Variants in FBXO34 observed in about 807,000 individuals in gnomAD.
FBXO34 encodes F-box protein 34.
In FBXO34, 12 loss-of-function variants were observed where a neutral mutation model predicts 24.5. That is an observed-to-expected ratio of 0.49 (90% CI 0.31 to 0.79). The LOEUF (loss-of-function observed/expected upper bound fraction) is 0.79, where lower values mean the gene tolerates loss of function less well. FBXO34 is among the 30% of genes least tolerant of loss of function. The probability of loss-of-function intolerance (pLI) is 0.04; values close to 1 mark genes in which losing one functional copy is unlikely to be tolerated. For missense variants in FBXO34, 823 were observed against 857.7 expected, an observed-to-expected ratio of 0.96 and a Z score of 0.51; for synonymous variants, 320 against 311.9, an observed-to-expected ratio of 1.03 and a Z score of -0.27.
At chr14:55,292,454 G>T (rs1881974352) in intron 1 of FBXO34, among the ~76,000 whole-genome samples, 1 of 151,938 alleles carries the variant, frequency 6.6e-6, no homozygotes, top group Admixed American at 6.6e-5. Flanking sequence ...CTACCTCCTA[G>T]GCTCAAGTGA....
At chr14:55,380,748 A>G in the FBXO34 span, 509,158 of 1,108,126 alleles carry the variant, frequency 0.46, 124,929 homozygotes, top group African/African-American at 0.87. Flanking sequence ...AACTACTAAT[A>G]ATCCACGAGT....
chr14:55,399,023 A>G, the FBXO34 span, among the ~76,000 whole-genome samples: 1 of 152,226 alleles, frequency 6.6e-6, no homozygotes. Flanking sequence ...ACAATTCAAC[A>G]GGCCATAACA....
chr14:55,403,547 T>C, the FBXO34 span, among the ~76,000 whole-genome samples: 1 of 152,220 alleles, frequency 6.6e-6, no homozygotes, highest in Non-Finnish European at 1.5e-5. Flanking sequence ...TATAATCTTT[T>C]TTTTTTCATG....
At position 55,352,179 on chromosome 14, in the gene FBXO34, G is replaced by A; in HGVS notation, c.1789G>A (p.Ala597Thr). The stretch of plus-strand genomic sequence containing the variant: ...GTTACTTCCCACCAAGAGTTTAGTG[G>A]CCCTTAAATGTACCTGCTGCTATTT... Reference protein sequence around the residue: ...FRLLPTKSLVALKCTCCYFKF... With the variant: ...FRLLPTKSLVTLKCTCCYFKF... Residue 597 changes from alanine (A) to threonine (T), a missense_variant, in exon 2 of 2, where the codon GCC (alanine) becomes ACC (threonine). Ala to Thr is a moderately conservative substitution (Grantham distance 58). This residue lies in a region of FBXO34 where 130 missense variants were observed against 198.6 expected (regional missense o/e 0.65). Transcript: ENST00000313833. 6.2e-7 allele frequency: 1 copy of A among 1,614,030 alleles called. No homozygotes were observed. Among genetic ancestry groups the A allele is most frequent in the Non-Finnish European group, 8.5e-7 (1 of 1,179,988 alleles).
intron 1 of FBXO34, among the ~76,000 whole-genome samples, chr14:55,326,613 C>T (rs1205949951): frequency 1.3e-5 from 2 of 152,240 alleles, no homozygotes; most frequent in African/African-American, 2.4e-5. Context: ...AAATAAATTT[C>T]CCAGTAGCTC....
At chr14:55,280,464 TTAAAG>T (rs1881495521) in intron 1 of FBXO34, among the ~76,000 whole-genome samples, 4 of 152,096 alleles carry the variant, frequency 2.6e-5, no homozygotes, top group Admixed American at 2.6e-4. Context: ...TAGAGTTTGT[TTAAAG>T]TATGCGGTAG....
the FBXO34 span, chr14:55,382,132 T>C: frequency 6.2e-7 from 1 of 1,614,086 alleles, no homozygotes; most frequent in Non-Finnish European, 8.5e-7. Context: ...TTCAGCAAGC[T>C]TGCTCACAGT....
the FBXO34 span, chr14:55,436,008 T>G: frequency 1.0e-6 from 1 of 986,776 alleles, no homozygotes. Context: ...ACTTATTTTC[T>G]CATTTCTTAG....
intron 1 of FBXO34, among the ~76,000 whole-genome samples, chr14:55,344,406 T>G (rs918918188): frequency 3.3e-5 from 5 of 152,166 alleles, no homozygotes; most frequent in African/African-American, 1.2e-4. Flanking sequence ...CCAGAAAACT[T>G]TCTCCTCATT....
intron 1 of FBXO34, among the ~76,000 whole-genome samples, chr14:55,286,692 G>T (rs953875821): frequency 6.6e-6 from 1 of 152,046 alleles, no homozygotes; most frequent in Admixed American, 6.6e-5. Flanking sequence ...ATTTTTAAAG[G>T]ATAAGTGATT....
the FBXO34 span, among the ~76,000 whole-genome samples, chr14:55,385,324 G>A: frequency 6.6e-6 from 1 of 151,918 alleles, no homozygotes; most frequent in Admixed American, 6.6e-5. Flanking sequence ...ACAGAGTCTC[G>A]CTCTGTCACC....
At chr14:55,298,915 C>A (rs1882240229) in intron 1 of FBXO34, 3 of 1,577,256 alleles carry the variant, frequency 1.9e-6, no homozygotes, top group Non-Finnish European at 1.7e-6. Context: ...AACACCAATA[C>A]CGAGGTGCTC....
chr14:55,339,572 GT>G (rs1883921547), intron 1 of FBXO34: 2 of 152,162 alleles, frequency 1.3e-5, no homozygotes, highest in African/African-American at 4.8e-5. Flanking sequence ...AGGAATAGTT[GT>G]GTTTGGAGGA....
chr14:55,404,901 A>T, the FBXO34 span, among the ~76,000 whole-genome samples: 2 of 152,358 alleles, frequency 1.3e-5, no homozygotes, highest in Admixed American at 6.5e-5. Context: ...CTCTGCTTAA[A>T]ATACATTAAT....
downstream of FBXO34, among the ~76,000 whole-genome samples, chr14:55,365,109 G>A (rs116707658): frequency 5.3e-3 from 790 of 150,014 alleles, 8 homozygotes; most frequent in African/African-American, 0.018. Flanking sequence ...CCTGCCTCAG[G>A]AGGCTGAGGC....
At chr14:55,322,284 T>C (rs945161212) in intron 1 of FBXO34, among the ~76,000 whole-genome samples, 2 of 141,196 alleles carry the variant, frequency 1.4e-5, no homozygotes, top group African/African-American at 5.3e-5. Flanking sequence ...CACTCCAGCC[T>C]GGGCAACAGA....
At chr14:55,278,183 T>C (rs1252830452) in intron 1 of FBXO34, among the ~76,000 whole-genome samples, 1 of 152,182 alleles carries the variant, frequency 6.6e-6, no homozygotes, top group South Asian at 2.1e-4. Flanking sequence ...GCATTGCCTA[T>C]ATGTAAAACA....
At chr14:55,374,645 T>G (rs963738651), downstream of FBXO34, among the ~76,000 whole-genome samples, 12 of 152,220 alleles carry the variant, frequency 7.9e-5, no homozygotes, top group African/African-American at 2.2e-4. Flanking sequence ...TTTGCTTATT[T>G]TATAGCTGTA....
the FBXO34 span, among the ~76,000 whole-genome samples, chr14:55,394,591 T>G: frequency 3.3e-5 from 5 of 152,166 alleles, no homozygotes; most frequent in African/African-American, 1.2e-4. Flanking sequence ...TTTCAATCTT[T>G]CACAGCACTG....
Sources: gnomAD v4.1 joint callset for allele counts (sites outside exome capture counted in the v4.1 genomes callset) on GRCh38, gnomAD v4.1.1 for gene constraint, gnomAD v4.1.1 regional missense constraint, MANE v1.5 for transcripts, NCBI Gene and HGNC (gene_info 2026-07-23, HGNC 2026-07-21) for gene names.